CCDC15: variants seen among roughly 807,000 people sequenced by gnomAD.
The protein encoded by CCDC15 is coiled-coil domain-containing protein 15.
In CCDC15, 105 loss-of-function variants were observed where a neutral mutation model predicts 114.5. That is an observed-to-expected ratio of 0.92 (90% CI 0.78 to 1.08). The LOEUF is 1.08. Among genes scored for constraint, CCDC15 ranks in the 50% least tolerant of loss-of-function variants. CCDC15 has a pLI of 0.00. For synonymous variants in CCDC15, 334 were observed against 377.8 expected (o/e 0.88, Z 1.34); for missense variants, 1,105 against 1,093.6 (o/e 1.01, Z -0.15).
intron 4 of CCDC15, among the ~76,000 whole-genome samples, chr11:124,968,222 T>TG (rs1370049336): frequency 6.6e-6 from 1 of 152,208 alleles, no homozygotes; most frequent in East Asian, 1.9e-4. Flanking sequence ...CTGCAGAAGT[T>TG]TCTGCTGCCT....
intron 9 of CCDC15, among the ~76,000 whole-genome samples, chr11:124,992,090 A>G (rs1344034402): frequency 6.6e-6 from 1 of 152,110 alleles, no homozygotes; most frequent in African/African-American, 2.4e-5. Flanking sequence ...ACACTAAACA[A>G]TTCAGTTCCT....
intron 6 of CCDC15, among the ~76,000 whole-genome samples, chr11:124,985,790 T>G (rs1948148449): frequency 6.6e-6 from 1 of 151,626 alleles, no homozygotes; most frequent in Non-Finnish European, 1.5e-5. Flanking sequence ...GATAGTTGAT[T>G]TGCAAGTATT....
chr11:124,960,697 A>G (rs1346809659), intron 4 of CCDC15, among the ~76,000 whole-genome samples: 1 of 152,170 alleles, frequency 6.6e-6, no homozygotes, highest in East Asian at 1.9e-4. Flanking sequence ...CTCATTTTAT[A>G]TACCTAATAT....
At position 124,987,851 on chromosome 11, in the gene CCDC15, G is replaced by A. The variant is rs769089581; in HGVS notation, c.1625G>A (p.Arg542Lys). The A allele has an allele frequency of 2.2e-5, 35 of 1,613,750 alleles. 1 individual carries two copies. In the South Asian group the frequency reaches 3.6e-4, roughly 17 times the overall value. The change falls in exon 8 of 16, where the codon AGA becomes AAA. Residue 542 changes from arginine to lysine, a missense_variant. Physicochemically the swap from Arg to Lys is conservative, Grantham distance 26 (BLOSUM62 2). Transcript: ENST00000344762. Reference protein sequence around the residue: ...FLPKDQDFLSRDQHVLPKDWN... With the variant: ...FLPKDQDFLSKDQHVLPKDWN... ...CCTAAAGACCAGGACTTTTTATCTA[G>A]AGACCAGCATGTTCTCCCCAAAGAC...
intron 2 of CCDC15, among the ~76,000 whole-genome samples, chr11:124,956,224 G>A (rs1358012947): frequency 6.6e-6 from 1 of 152,138 alleles, no homozygotes; most frequent in East Asian, 1.9e-4. Context: ...AGGTTTTGAA[G>A]GATAGGGAGT....
intron 11 of CCDC15, among the ~76,000 whole-genome samples, chr11:124,994,376 A>G (rs1236937324): frequency 2.0e-5 from 3 of 152,192 alleles, no homozygotes; most frequent in Admixed American, 2.0e-4. Flanking sequence ...TTCCTGTTTT[A>G]TTTCATACAG....
At chr11:125,023,820 G>T (rs1948677722) in intron 13 of CCDC15, among the ~76,000 whole-genome samples, 1 of 151,914 alleles carries the variant, frequency 6.6e-6, no homozygotes. Flanking sequence ...AAAGAAGTAT[G>T]GCTATAATGT....
chr11:125,017,365 A>T (rs1342858192), intron 13 of CCDC15, among the ~76,000 whole-genome samples: 1 of 146,726 alleles, frequency 6.8e-6, no homozygotes, highest in Non-Finnish European at 1.5e-5. Flanking sequence ...TGCACCACAT[A>T]AAGATGTTTT....
rs372756663 is a variant in CCDC15, at chr11:124,993,245, T to C, written c.2214+2T>C. The C allele has an allele frequency of 2.6e-6, 4 of 1,562,248 alleles. No homozygotes were observed. The highest frequency in any genetic ancestry group is 3.5e-6 in the Non-Finnish European group (4 of 1,137,062). On this transcript the variant is annotated splice_donor_variant, in intron 11 of 15. Coordinates refer to ENST00000344762, the MANE Select transcript of CCDC15 (RefSeq NM_025004.3). LOFTEE classifies it high-confidence loss of function. The stretch of plus-strand genomic sequence containing the variant: ...GGAAATACTCCTGGAGTGCCCTTGG[T>C]ATGTTTCACACAATATTCAAGATCT...
chr11:125,013,496 A>G (rs550058984), intron 13 of CCDC15, among the ~76,000 whole-genome samples: 1 of 152,344 alleles, frequency 6.6e-6, no homozygotes, highest in South Asian at 2.1e-4. Context: ...AAGTTATTAT[A>G]GTAGTTGTGG....
chr11:125,033,691 A>G (rs1015812894), intron 13 of CCDC15, among the ~76,000 whole-genome samples: 2 of 148,234 alleles, frequency 1.3e-5, no homozygotes, highest in Admixed American at 1.3e-4. Flanking sequence ...AGGCATTTCC[A>G]GCTCGCTCAC....
intron 13 of CCDC15, among the ~76,000 whole-genome samples, chr11:125,020,764 C>T (rs1222070715): frequency 6.6e-6 from 1 of 151,918 alleles, no homozygotes; most frequent in Non-Finnish European, 1.5e-5. Context: ...ACAATAGAGG[C>T]TTTGAAGACA....
intron 9 of CCDC15, among the ~76,000 whole-genome samples, chr11:124,992,039 T>C (rs1332992184): frequency 2.0e-5 from 3 of 152,310 alleles, no homozygotes; most frequent in South Asian, 4.2e-4. Flanking sequence ...TCCTAAGTCC[T>C]ATTAGAACAG....
chr11:124,990,550 T>G (rs1031632919), intron 8 of CCDC15, among the ~76,000 whole-genome samples: 1 of 152,222 alleles, frequency 6.6e-6, no homozygotes, highest in Non-Finnish European at 1.5e-5. Flanking sequence ...ATATTGTACC[T>G]GATTTGGAGA....
chr11:124,965,648 T>C (rs1947763775), intron 4 of CCDC15, among the ~76,000 whole-genome samples: 1 of 152,240 alleles, frequency 6.6e-6, no homozygotes, highest in African/African-American at 2.4e-5. Flanking sequence ...CCTTCAGTTC[T>C]ACTCTGATCT....
At chr11:124,984,594 G>T (rs1389860329) in intron 6 of CCDC15, among the ~76,000 whole-genome samples, 1 of 152,148 alleles carries the variant, frequency 6.6e-6, no homozygotes, top group Non-Finnish European at 1.5e-5. Context: ...CTTTGCACCG[G>T]CTGGAATTCT....
chr11:124,988,351 T>C (rs977819182), intron 8 of CCDC15, among the ~76,000 whole-genome samples: 16 of 152,248 alleles, frequency 1.1e-4, no homozygotes, highest in African/African-American at 3.9e-4. Flanking sequence ...AGTTTATTAG[T>C]GTGCAATAGC....
rs1948191644 is a variant in CCDC15 at position 124,987,547 on chromosome 11, C to G, written c.1321C>G (p.Leu441Val). 2 of 1,613,994 alleles carry G rather than the reference C, an allele frequency of 1.2e-6. No individual in the cohort carries two copies. The highest frequency in any genetic ancestry group is 1.7e-6 in the Non-Finnish European group (2 of 1,179,882). The change falls in exon 8 of 16, where the codon CTA becomes GTA. Residue 441 changes from leucine to valine, a missense_variant. Transcript: ENST00000344762. Reference sequence around the variant, plus strand: ...TGTTCTCCCTAAAGACCAGAGTATTCTACTCAAATATCAGGACCAGGACTT... The same window carrying G: ...TGTTCTCCCTAAAGACCAGAGTATTGTACTCAAATATCAGGACCAGGACTT... ...HCVLPKDQSILLKYQDQDFLP... is the reference protein window; with the variant it reads ...HCVLPKDQSIVLKYQDQDFLP...
At chr11:124,974,990 G>T in intron 4 of CCDC15, 106 bp from the exon 5 acceptor site, 1 of 597,300 alleles carries the variant, frequency 1.7e-6, no homozygotes. Flanking sequence ...TCTTAGATCT[G>T]GCATTTTTTA....
Sources: allele counts gnomAD v4.1 joint callset (sites outside exome capture counted in the v4.1 genomes callset), GRCh38; gene constraint gnomAD v4.1.1; transcripts MANE v1.5; gene names NCBI Gene and HGNC (gene_info 2026-07-23, HGNC 2026-07-21).